OPCML: variants seen among roughly 807,000 people sequenced by gnomAD.
OPCML encodes opioid binding protein/cell adhesion molecule like.
OPCML carries 13 observed loss-of-function variants against 37.8 expected under a neutral mutation model. The ratio of observed to expected loss-of-function variants is 0.34; its 90% confidence interval spans 0.22 to 0.55. OPCML has a LOEUF of 0.55. OPCML is among the 20% of genes least tolerant of loss of function. OPCML has a pLI of 0.91. For missense variants in OPCML, 341 were observed against 435.6 expected, an observed-to-expected ratio of 0.78 and a Z score of 1.93; for synonymous variants, 176 against 168.8, an observed-to-expected ratio of 1.04 and a Z score of -0.33.
intron 2 of OPCML, among the ~76,000 whole-genome samples, chr11:132,753,127 C>T (rs552267386): frequency 6.6e-6 from 1 of 152,230 alleles, no homozygotes; most frequent in East Asian, 1.9e-4. Flanking sequence ...ACAAGCCCTC[C>T]ATTCACTACT....
rs150578007 is a variant in OPCML, at chr11:132,437,289, C to A, written c.576G>T (p.Glu192Asp). 3.1e-6 allele frequency: 5 copies of A among 1,614,230 alleles called. No homozygotes were observed. Among genetic ancestry groups the A allele is most frequent in the Non-Finnish European group, 4.2e-6 (5 of 1,180,046 alleles). Residue 192 changes from glutamate to aspartate, a missense_variant, in exon 5 of 8, where the codon GAG (glutamate) becomes GAT (aspartate). By Grantham distance (45) the Glu-to-Asp change is conservative (BLOSUM62 2). Transcript: ENST00000524381. The stretch of plus-strand genomic sequence containing the variant: ...CATCGTTCAACGCGCTGCATTCGTA[C>A]TCCCCGGACTGGTCTCGCTTGATGT... The part of the protein sequence containing the change: ...ISDIKRDQSG[E>D]YECSALNDVA...
intron 2 of OPCML, among the ~76,000 whole-genome samples, chr11:132,907,785 A>G (rs1170799105): frequency 2.0e-5 from 3 of 149,628 alleles, no homozygotes; most frequent in Non-Finnish European, 4.4e-5. Flanking sequence ...TGCTCACTGC[A>G]CGTTGCTCTG....
chr11:133,154,410 T>G (rs1950028211), intron 1 of OPCML, among the ~76,000 whole-genome samples: 1 of 152,140 alleles, frequency 6.6e-6, no homozygotes, highest in Non-Finnish European at 1.5e-5. Flanking sequence ...GTCGTTAGAA[T>G]TTTTTATTTT....
chr11:132,757,708 G>C (rs1466013576), intron 2 of OPCML, among the ~76,000 whole-genome samples: 1 of 152,146 alleles, frequency 6.6e-6, no homozygotes, highest in Non-Finnish European at 1.5e-5. Context: ...CCTGTTGTCA[G>C]ATAAATAGAT....
At chr11:132,428,051 G>A (rs907285136) in intron 7 of OPCML, among the ~76,000 whole-genome samples, 3 of 152,204 alleles carry the variant, frequency 2.0e-5, no homozygotes, top group African/African-American at 4.8e-5. Flanking sequence ...GGACAAATAT[G>A]TGCAGCTTTT....
At chr11:132,518,916 G>T (rs1028506414) in intron 4 of OPCML, among the ~76,000 whole-genome samples, 10 of 152,194 alleles carry the variant, frequency 6.6e-5, no homozygotes, top group Non-Finnish European at 1.2e-4. Context: ...ACAGACGGTA[G>T]GCAGGATTTC....
intron 1 of OPCML, among the ~76,000 whole-genome samples, chr11:133,039,834 C>T (rs1835740113): frequency 6.6e-6 from 1 of 152,010 alleles, no homozygotes; most frequent in Admixed American, 6.6e-5. Flanking sequence ...TTGAGACCAG[C>T]CTGGCCAACT....
intron 4 of OPCML, among the ~76,000 whole-genome samples, chr11:132,513,850 G>A (rs2096274094): frequency 1.3e-5 from 2 of 152,112 alleles, no homozygotes; most frequent in African/African-American, 4.8e-5. Flanking sequence ...ATAATTAAAT[G>A]CTATTATGTC....
intron 3 of OPCML, among the ~76,000 whole-genome samples, chr11:132,608,391 T>A (rs1387167991): frequency 6.6e-6 from 1 of 152,148 alleles, no homozygotes; most frequent in Admixed American, 6.5e-5. Flanking sequence ...GGACTGCTAT[T>A]TTTATTTCTT....
intron 1 of OPCML, among the ~76,000 whole-genome samples, chr11:133,094,679 T>C (rs778471687): frequency 6.6e-6 from 1 of 152,120 alleles, no homozygotes; most frequent in Non-Finnish European, 1.5e-5. Flanking sequence ...TTTATTCAAA[T>C]AGCAAGAGAG....
At chr11:133,420,241 A>G (rs1331766847) in intron 1 of OPCML, 4 of 985,262 alleles carry the variant, frequency 4.1e-6, no homozygotes, top group Non-Finnish European at 4.8e-6. Context: ...TTACCAGCAC[A>G]ATGCTGCAAT....
intron 2 of OPCML, among the ~76,000 whole-genome samples, chr11:132,818,499 A>C (rs1165840777): frequency 6.6e-6 from 1 of 151,542 alleles, no homozygotes; most frequent in Non-Finnish European, 1.5e-5. Context: ...AGCTTTTTCC[A>C]TGTCTCCAGC....
chr11:133,398,580 G>A (rs1048242737), intron 1 of OPCML, among the ~76,000 whole-genome samples: 5 of 151,532 alleles, frequency 3.3e-5, no homozygotes, highest in African/African-American at 9.8e-5. Flanking sequence ...TCTATTCAAG[G>A]CGAAGGATAA....
intron 1 of OPCML, among the ~76,000 whole-genome samples, chr11:133,512,193 A>G (rs1393707631): frequency 1.3e-5 from 2 of 152,216 alleles, no homozygotes; most frequent in Non-Finnish European, 2.9e-5. Context: ...CCAGCAACAA[A>G]TCAGGATTTG....
intron 1 of OPCML, among the ~76,000 whole-genome samples, chr11:133,332,628 C>A (rs1435127202): frequency 2.0e-5 from 3 of 151,960 alleles, no homozygotes; most frequent in African/African-American, 7.3e-5. Context: ...TTAATACCTA[C>A]TTTATTGAAA....
chr11:132,875,840 C>G (rs1942990202), intron 2 of OPCML, among the ~76,000 whole-genome samples: 1 of 152,158 alleles, frequency 6.6e-6, no homozygotes, highest in African/African-American at 2.4e-5. Context: ...AGATGAGAGC[C>G]TGGGTTCCTC....
At chr11:133,509,967 T>C (rs1410595388) in intron 1 of OPCML, among the ~76,000 whole-genome samples, 1 of 152,136 alleles carries the variant, frequency 6.6e-6, no homozygotes, top group Non-Finnish European at 1.5e-5. Context: ...ACCCTAACCT[T>C]GGTGGTGCTC....
intron 2 of OPCML, among the ~76,000 whole-genome samples, chr11:132,714,381 A>G (rs909726292): frequency 3.9e-5 from 6 of 152,322 alleles, no homozygotes; most frequent in African/African-American, 9.6e-5. Context: ...TGTGTTTTCA[A>G]TCTCATGGAG....
At chr11:132,901,373 A>C (rs972676995) in intron 2 of OPCML, among the ~76,000 whole-genome samples, 1 of 152,164 alleles carries the variant, frequency 6.6e-6, no homozygotes, top group Non-Finnish European at 1.5e-5. Context: ...AAACTGAATA[A>C]ATAATTGATT....
Sources: allele counts gnomAD v4.1 joint callset (sites outside exome capture counted in the v4.1 genomes callset), GRCh38; gene constraint gnomAD v4.1.1; transcripts MANE v1.5; gene names NCBI Gene and HGNC (gene_info 2026-07-23, HGNC 2026-07-21).